Variants in AP3B2 observed in about 807,000 individuals in gnomAD.
The protein encoded by AP3B2 is adaptor related protein complex 3 subunit beta 2, also known as AP-3 complex subunit beta-2.
Under a neutral mutation model 126.9 loss-of-function variants are expected in AP3B2, and 50 were observed. That is an observed-to-expected ratio of 0.39 (90% CI 0.31 to 0.50). The LOEUF (loss-of-function observed/expected upper bound fraction) is 0.50, where lower values mean the gene tolerates loss of function less well. AP3B2 is among the 20% of genes least tolerant of loss of function. The pLI is 0.79. For synonymous variants in AP3B2, 541 were observed against 565.0 expected (o/e 0.96, Z 0.60); for missense variants, 1,177 against 1,426.4 (o/e 0.83, Z 2.82).
chr15:82,698,377 CCT>C (rs764653808), intron 1 of AP3B2, among the ~76,000 whole-genome samples: 2 of 152,080 alleles, frequency 1.3e-5, no homozygotes, highest in Admixed American at 6.5e-5. Flanking sequence ...TCTCCCACAC[CCT>C]CTTATAGACA....
At chr15:82,667,047 G>A in intron 14 of AP3B2, 114 bp from the exon 15 acceptor site, 1 of 1,092,842 alleles carries the variant, frequency 9.2e-7, no homozygotes, top group Non-Finnish European at 1.3e-6. Context: ...TCCCTGCTTA[G>A]GACCGGCGCT....
At position 82,680,443 on chromosome 15, in the gene AP3B2, G is replaced by A. The variant is rs1312357026; in HGVS notation, c.1055+29C>T. 2 of 1,453,998 alleles carry A rather than the reference G, an allele frequency of 1.4e-6. No homozygotes were observed. The highest frequency in any genetic ancestry group is 4.9e-5 in the Admixed American group (2 of 40,950). 90.1% of individuals were successfully genotyped at this position (1,453,998 alleles called of 1,614,324 possible). A position where few individuals can be genotyped will look rare whatever the true frequency, so the allele number is the denominator to read the frequency against. On this transcript the variant is annotated intron_variant, in intron 8 of 26. Transcript: ENST00000535359. The surrounding 1 kb of genome is among the most constrained non-coding windows in gnomAD (Gnocchi z 6.1). ...CCGTGGGGCGGGGCAGGAGGCGAGG[G>A]AGGGGGCGGGGCTGGGGGCGGAGCG...
Position 82,662,881 on chromosome 15 carries a change from C to T in AP3B2, c.2646G>A (p.Leu882=). The change falls in exon 23 of 27, where the codon CTG becomes CTA. Residue 882 remains leucine, a synonymous_variant. Coordinates refer to ENST00000535359, the MANE Select transcript of AP3B2 (RefSeq NM_001278512.2). ...PVSGVGRQEL[L]HRVAGEGLAV... is the part of the protein sequence containing the mutation. ...CCAGCCCCTCGCCAGCTACCCGGTG[C>T]AGCAGCTCCTGCCGCCCAACACCCG... 1 of 1,613,584 alleles carries T rather than the reference C, an allele frequency of 6.2e-7. No individual in the cohort carries two copies. The highest frequency in any genetic ancestry group is 8.5e-7 in the Non-Finnish European group (1 of 1,179,788).
rs374158382 is a variant in AP3B2, at chr15:82,665,530, G to A, written c.1898C>T (p.Ala633Val). Residue 633 changes from alanine to valine, a missense_variant, in exon 16 of 27, where the codon GCC becomes GTC. By Grantham distance (64) the Ala-to-Val change is moderately conservative. Around this residue, in one of 5 missense-constraint regions of AP3B2, gnomAD observed 308 missense variants for 452.4 expected, o/e 0.68. Coordinates refer to ENST00000535359, the MANE Select transcript of AP3B2 (RefSeq NM_001278512.2). This position sits in a 1 kb window ranked among gnomAD's most constrained non-coding sequence, Gnocchi z 4.4. ...QLGSLSHLLN[A>V]KATGYQELPD... is the part of the protein sequence containing the mutation. ...GAGCTCCTGGTAGCCTGTGGCCTTG[G>A]CATTAAGCAGGTGGGACAGTGAGCC... 52 of 1,613,958 alleles carry A rather than the reference G, an allele frequency of 3.2e-5. No individual in the cohort carries two copies. In the African/African-American group the frequency reaches 6.3e-4, roughly 19 times the overall value.
At chr15:82,668,047 G>A (rs540304173) in intron 14 of AP3B2, among the ~76,000 whole-genome samples, 3 of 152,302 alleles carry the variant, frequency 2.0e-5, no homozygotes, top group South Asian at 2.1e-4. Context: ...ATACTGTTAC[G>A]TGTAGCCTTG....
chr15:82,680,701 C>T lies in AP3B2; in HGVS notation c.826G>A (p.Glu276Lys), dbSNP rs1486529587. The change falls in exon 8 of 27, where the codon GAG becomes AAG. Residue 276 changes from glutamate (E) to lysine (K), a missense_variant. By Grantham distance (56) the Glu-to-Lys change is moderately conservative. Transcript: ENST00000535359. This position sits in a 1 kb window ranked among gnomAD's most constrained non-coding sequence, Gnocchi z 6.1. Reference protein sequence around the residue: ...EKAFYGSEEDEAKGAGSEETA... With the variant: ...EKAFYGSEEDKAKGAGSEETA... ...TCCTCAGACCCCGCGCCCTTGGCCTCGTCCTCCTCTGAGCCGTAGAAGGCT... is the reference window on the plus strand; with the variant it reads ...TCCTCAGACCCCGCGCCCTTGGCCTTGTCCTCCTCTGAGCCGTAGAAGGCT... The T allele has an allele frequency of 3.2e-6, 5 of 1,568,894 alleles. No individual in the cohort carries two copies. Among genetic ancestry groups the T allele is most frequent in the Non-Finnish European group, 4.3e-6 (5 of 1,161,544 alleles).
intron 25 of AP3B2, among the ~76,000 whole-genome samples, chr15:82,660,807 A>T (rs1434023730): frequency 6.6e-6 from 1 of 152,154 alleles, no homozygotes; most frequent in Non-Finnish European, 1.5e-5. Flanking sequence ...CCCGTCTCCA[A>T]AAAATCCTTT....
At chr15:82,677,922 G>C (rs1235552230) in intron 11 of AP3B2, 119 bp from the exon 12 acceptor site, 1 of 1,381,502 alleles carries the variant, frequency 7.2e-7, no homozygotes, top group South Asian at 1.5e-5. Flanking sequence ...TTGGGAAAGG[G>C]GGTGACAACT....
At chr15:82,679,871 T>A in intron 9 of AP3B2, 71 bp from the exon 10 acceptor site, 1 of 1,408,592 alleles carries the variant, frequency 7.1e-7, no homozygotes, top group Non-Finnish European at 1.0e-6. Flanking sequence ...GAGACACCCC[T>A]CCTATCCTGA....
In AP3B2 at chr15:82,664,367, C is replaced by G. The variant is rs1412050271; in HGVS notation, c.2261G>C (p.Ser754Thr). ...EDEEKGRGSE[S>T]EQSEEDGKRK... ...GCCATCTGGCTAGCTCCCTTCTCACCTCTCACTGCCTCTCCCTTTCTCCTC... is the reference window on the plus strand; with the variant it reads ...GCCATCTGGCTAGCTCCCTTCTCACGTCTCACTGCCTCTCCCTTTCTCCTC... The change falls in exon 19 of 27, where the codon AGT becomes ACT. Residue 754 changes from serine (S) to threonine (T), a missense_variant and splice_region_variant. Ser to Thr is a moderately conservative substitution (Grantham distance 58). Transcript: ENST00000535359. The surrounding 1 kb of genome is among the most constrained non-coding windows in gnomAD (Gnocchi z 4.5). The G allele has an allele frequency of 6.2e-7, 1 of 1,613,890 alleles. No individual in the cohort carries two copies. The highest frequency in any genetic ancestry group is 1.7e-5 in the Admixed American group (1 of 60,016).
intron 4 of AP3B2, among the ~76,000 whole-genome samples, chr15:82,683,543 T>C (rs1451498709): frequency 6.6e-6 from 1 of 152,188 alleles, no homozygotes; most frequent in African/African-American, 2.4e-5. Flanking sequence ...AGTGAACCCC[T>C]CAAAGTCATC....
intron 1 of AP3B2, chr15:82,692,159 A>T: frequency 4.0e-6 from 6 of 1,485,224 alleles, no homozygotes; most frequent in Non-Finnish European, 5.6e-6. Flanking sequence ...GGCCATAATC[A>T]TAACTATTTC....
At position 82,662,929 on chromosome 15, in the gene AP3B2, T is replaced by G. The variant is rs752065303; in HGVS notation, c.2605-7A>C. The G allele has an allele frequency of 2.5e-6, 4 of 1,609,484 alleles. No individual in the cohort carries two copies. In the African/African-American group the frequency reaches 4.0e-5, roughly 16 times the overall value. On this transcript the variant is annotated splice_region_variant and splice_polypyrimidine_tract_variant and intron_variant, in intron 22 of 26. Coordinates refer to ENST00000535359, the MANE Select transcript of AP3B2 (RefSeq NM_001278512.2). Reference sequence around the variant, plus strand: ...CCGATACTGGACTCAGAAGCTAGAGTGGAGGGGTAGGGAAGGACAGAACTG... The same window carrying G: ...CCGATACTGGACTCAGAAGCTAGAGGGGAGGGGTAGGGAAGGACAGAACTG...
At chr15:82,667,047 G>C (rs2048071002) in intron 14 of AP3B2, 114 bp from the exon 15 acceptor site, 1 of 1,092,842 alleles carries the variant, frequency 9.2e-7, no homozygotes, top group Non-Finnish European at 1.3e-6. Flanking sequence ...TCCCTGCTTA[G>C]GACCGGCGCT....
At chr15:82,676,680 A>G in intron 13 of AP3B2, 43 bp from the exon 14 acceptor site, 3 of 1,601,732 alleles carry the variant, frequency 1.9e-6, no homozygotes, top group Non-Finnish European at 2.6e-6. Context: ...AATACGGGAA[A>G]GTGGGTGGGT....
chr15:82,669,035 G>A (rs1423616812), intron 14 of AP3B2, among the ~76,000 whole-genome samples: 1 of 152,218 alleles, frequency 6.6e-6, no homozygotes, highest in East Asian at 1.9e-4. Context: ...GGATGTGGCA[G>A]ACAGATTCTA....
chr15:82,668,719 T>C (rs183680813), intron 14 of AP3B2, among the ~76,000 whole-genome samples: 181 of 152,222 alleles, frequency 1.2e-3, no homozygotes, highest in Non-Finnish European at 2.1e-3. Flanking sequence ...TGTGGCATCC[T>C]GTGTGCACCA....
At chr15:82,671,384 A>G (rs2048155484) in intron 14 of AP3B2, among the ~76,000 whole-genome samples, 1 of 152,202 alleles carries the variant, frequency 6.6e-6, no homozygotes, top group Admixed American at 6.5e-5. Context: ...ACATGGAGAA[A>G]AGGCAACCCT....
chr15:82,697,880 T>C (rs987589529), intron 1 of AP3B2: 2 of 152,314 alleles, frequency 1.3e-5, no homozygotes, highest in Non-Finnish European at 2.9e-5. Context: ...GACCAGACTG[T>C]TGAGTTTCTT....
Sources: allele counts gnomAD v4.1 joint callset (sites outside exome capture counted in the v4.1 genomes callset), GRCh38; gene constraint gnomAD v4.1.1; regional missense constraint gnomAD v4.1.1; non-coding constraint Gnocchi (gnomAD v3.1); transcripts MANE v1.5; gene names NCBI Gene and HGNC (gene_info 2026-07-23, HGNC 2026-07-21).